GRID1: variants seen among roughly 807,000 people sequenced by gnomAD.
The protein encoded by GRID1 is glutamate ionotropic receptor delta type subunit 1.
Under a neutral mutation model 98.0 loss-of-function variants are expected in GRID1, and 28 were observed. The observed-to-expected ratio is 0.29, with a 90% CI of 0.21 to 0.39. GRID1 has a LOEUF of 0.39. GRID1 is among the 10% of genes least tolerant of loss of function. The pLI, the probability that GRID1 is intolerant of heterozygous loss-of-function variation, is 1.00. For missense variants in GRID1, 1,111 were observed against 1,340.5 expected (o/e 0.83, Z 2.67); for synonymous variants, 553 against 538.5 (o/e 1.03, Z -0.37).
At chr10:86,344,216 C>G (rs1487979771) in intron 2 of GRID1, among the ~76,000 whole-genome samples, 1 of 152,198 alleles carries the variant, frequency 6.6e-6, no homozygotes, top group African/African-American at 2.4e-5. Context: ...GGGCAGGGAA[C>G]AAATGGGCAC....
intron 8 of GRID1, among the ~76,000 whole-genome samples, chr10:85,837,085 C>T (rs1842917455): frequency 6.6e-6 from 1 of 152,028 alleles, no homozygotes; most frequent in South Asian, 2.1e-4. Flanking sequence ...AGTTTGTCTC[C>T]CCACCCCCAC....
intron 4 of GRID1, among the ~76,000 whole-genome samples, chr10:86,043,004 G>A (rs1487844724): frequency 1.3e-5 from 2 of 152,000 alleles, no homozygotes; most frequent in African/African-American, 2.4e-5. Context: ...AGGATCCCTT[G>A]AGCCAGTGAG....
At chr10:86,241,757 T>G (rs1846639996) in intron 2 of GRID1, among the ~76,000 whole-genome samples, 1 of 152,220 alleles carries the variant, frequency 6.6e-6, no homozygotes, top group Non-Finnish European at 1.5e-5. Flanking sequence ...AAAGTCCTGC[T>G]GAGACAAACC....
intron 8 of GRID1, among the ~76,000 whole-genome samples, chr10:85,812,113 G>A (rs1032127940): frequency 2.6e-5 from 4 of 152,148 alleles, no homozygotes; most frequent in Admixed American, 2.0e-4. Flanking sequence ...TATTTAGAAA[G>A]GAGGGAGAAA....
intron 13 of GRID1, among the ~76,000 whole-genome samples, chr10:85,639,405 G>T (rs1216339254): frequency 6.6e-6 from 1 of 152,214 alleles, no homozygotes; most frequent in African/African-American, 2.4e-5. Context: ...GCAAGCGGTT[G>T]TCTCTGCAGA....
At chr10:86,082,931 G>A (rs1282301370) in intron 4 of GRID1, among the ~76,000 whole-genome samples, 2 of 152,198 alleles carry the variant, frequency 1.3e-5, no homozygotes, top group African/African-American at 4.8e-5. Context: ...GATGATCTCA[G>A]CTCTGGGTTT....
rs200060771 is a variant in GRID1 at position 86,248,563 on chromosome 10, C to CTTTT, written c.236-41919_236-41916dup. ...TGTCTGCAAATCGGGCATGACAATT[C>CTTTT]TTTTTTTTTTTTTTTTTTTTTTTTT... On this transcript the variant is annotated intron_variant, in intron 2 of 15. Coordinates refer to ENST00000327946, the MANE Select transcript of GRID1 (RefSeq NM_017551.3). 1.1e-3 allele frequency among the ~76,000 whole-genome samples: 131 copies of CTTTT among 121,802 alleles called. 5 individuals carry two copies. The highest frequency in any genetic ancestry group is 2.0e-3 in the African/African-American group (62 of 31,434). The allele number at this position is 121,802 out of a possible 152,430, so 79.9% of individuals were successfully genotyped here. A position where few individuals can be genotyped will look rare whatever the true frequency, so the allele number is the denominator to read the frequency against.
intron 4 of GRID1, among the ~76,000 whole-genome samples, chr10:86,133,031 T>C (rs909945841): frequency 3.3e-5 from 5 of 152,266 alleles, no homozygotes; most frequent in Non-Finnish European, 2.9e-5. Context: ...TTCTTCCCTC[T>C]ACAGAAAGAG....
At chr10:85,830,385 G>T (rs180808442) in intron 8 of GRID1, among the ~76,000 whole-genome samples, 48 of 152,074 alleles carry the variant, frequency 3.2e-4, no homozygotes, top group African/African-American at 1.1e-3. Flanking sequence ...TACAATTCTG[G>T]ACATAGACCC....
intron 3 of GRID1, among the ~76,000 whole-genome samples, chr10:86,183,792 G>T (rs931297586): frequency 3.9e-5 from 6 of 152,254 alleles, no homozygotes; most frequent in Non-Finnish European, 7.3e-5. Flanking sequence ...ATACCTGGGA[G>T]TAGAATGACT....
chr10:85,706,790 C>A (rs920011295), intron 12 of GRID1, among the ~76,000 whole-genome samples: 1 of 152,062 alleles, frequency 6.6e-6, no homozygotes, highest in African/African-American at 2.4e-5. Flanking sequence ...CAGAACAGAG[C>A]CCTCAGAAAT....
intron 12 of GRID1, chr10:85,650,042 C>T (rs1843247129): frequency 6.6e-6 from 1 of 152,190 alleles, no homozygotes; most frequent in Non-Finnish European, 1.5e-5. Flanking sequence ...GGTGAATAAA[C>T]TTATGGAAGG....
At chr10:85,965,924 C>T (rs1219477722) in intron 4 of GRID1, among the ~76,000 whole-genome samples, 1 of 152,078 alleles carries the variant, frequency 6.6e-6, no homozygotes, top group East Asian at 1.9e-4. Context: ...CTACTCCCAC[C>T]ACCTCCTCCC....
At chr10:86,257,795 G>T (rs556386054) in intron 2 of GRID1, among the ~76,000 whole-genome samples, 1 of 152,316 alleles carries the variant, frequency 6.6e-6, no homozygotes, top group South Asian at 2.1e-4. Flanking sequence ...CAGACTAAGT[G>T]TGAAGATGAC....
At chr10:85,603,002 T>C (rs1842604263) in intron 15 of GRID1, among the ~76,000 whole-genome samples, 1 of 152,108 alleles carries the variant, frequency 6.6e-6, no homozygotes, top group South Asian at 2.1e-4. Context: ...AACCAACCCT[T>C]AGGACAAGAT....
Position 86,125,934 on chromosome 10 carries a change from C to T in GRID1, c.726+12885G>A, listed in dbSNP as rs765712053. 3.3e-5 allele frequency among the ~76,000 whole-genome samples: 5 copies of T among 152,246 alleles called. No homozygotes were observed. The South Asian group carries it at 6.2e-4, about 19-fold the overall frequency. On this transcript the variant is annotated intron_variant, in intron 4 of 15. Coordinates refer to ENST00000327946, the MANE Select transcript of GRID1 (RefSeq NM_017551.3). ...TGTGTTGATCAAATGTTTATGTTAT[C>T]GGTAAGGCTTCTGGCCAACAGTAAG...
chr10:85,743,327 T>C (rs750934995), intron 8 of GRID1, among the ~76,000 whole-genome samples: 2 of 152,088 alleles, frequency 1.3e-5, no homozygotes, highest in African/African-American at 4.8e-5. Flanking sequence ...CTGAGTGTCA[T>C]TGAGTGACTT....
Position 85,943,083 on chromosome 10 carries a change from T to G in GRID1, c.727-26844A>C, listed in dbSNP as rs118139978. 1.5e-3 allele frequency among the ~76,000 whole-genome samples: 233 copies of G among 152,338 alleles called. 1 individual carries two copies. In the East Asian group the frequency reaches 0.02, roughly 13 times the overall value. On this transcript the variant is annotated intron_variant, in intron 4 of 15. Transcript: ENST00000327946. Reference sequence around the variant, plus strand: ...GAGTTGCTTCCAATTTTTCAATATTTAATGCTTCAATGAACATTCTTGTGC... The same window carrying G: ...GAGTTGCTTCCAATTTTTCAATATTGAATGCTTCAATGAACATTCTTGTGC...
intron 4 of GRID1, among the ~76,000 whole-genome samples, chr10:86,049,523 G>A (rs1306510394): frequency 6.6e-6 from 1 of 152,218 alleles, no homozygotes; most frequent in Admixed American, 6.5e-5. Flanking sequence ...GTCCGGCTAT[G>A]CCACACCAGG....
Sources: allele counts gnomAD v4.1 joint callset (sites outside exome capture counted in the v4.1 genomes callset), GRCh38; gene constraint gnomAD v4.1.1; transcripts MANE v1.5; gene names NCBI Gene and HGNC (gene_info 2026-07-23, HGNC 2026-07-21).